Variants in KAZN observed in about 807,000 individuals in gnomAD.
The protein encoded by KAZN is kazrin.
A neutral mutation model predicts 87.4 loss-of-function variants in KAZN; 40 were observed. The observed-to-expected ratio is 0.46, with a 90% CI of 0.36 to 0.60. KAZN has a LOEUF of 0.60. Among genes scored for constraint, KAZN ranks in the 20% least tolerant of loss-of-function variants. KAZN has a pLI of 0.00. For synonymous variants in KAZN, 466 were observed against 458.3 expected, an observed-to-expected ratio of 1.02 and a Z score of -0.22; for missense variants, 898 against 1,073.9, an observed-to-expected ratio of 0.84 and a Z score of 2.29.
At chr1:14,092,720 G>C (rs770359349) in intron 1 of KAZN, among the ~76,000 whole-genome samples, 23 of 151,880 alleles carry the variant, frequency 1.5e-4, no homozygotes, top group Non-Finnish European at 3.1e-4. Flanking sequence ...TGCAGAAAAC[G>C]TACCTTTATT....
chr1:14,249,414 A>T (rs1270774044), intron 2 of KAZN, among the ~76,000 whole-genome samples: 5 of 152,216 alleles, frequency 3.3e-5, no homozygotes, highest in Non-Finnish European at 7.3e-5. Context: ...ACAAACCCAA[A>T]CTGGTTGAAA....
chr1:15,045,467 AG>A (rs1467877166), intron 4 of KAZN, among the ~76,000 whole-genome samples: 12 of 152,210 alleles, frequency 7.9e-5, no homozygotes, highest in Admixed American at 6.5e-4. Flanking sequence ...TCCCCTGCGC[AG>A]CTAAATCCAT....
At chr1:14,995,627 T>TA (rs59636200) in intron 2 of KAZN, among the ~76,000 whole-genome samples, 2,851 of 135,750 alleles carry the variant, frequency 0.021, 82 homozygotes, top group East Asian at 0.1. Context: ...CCACCTCAAA[T>TA]AAAAAAAAAA....
intron 1 of KAZN, among the ~76,000 whole-genome samples, chr1:14,827,748 A>G (rs1184718425): frequency 6.6e-6 from 1 of 152,212 alleles, no homozygotes; most frequent in Non-Finnish European, 1.5e-5. Flanking sequence ...TTAATAAAGC[A>G]GCTGTCTTAC....
chr1:14,144,405 A>G (rs1167567377), intron 1 of KAZN, among the ~76,000 whole-genome samples: 1 of 152,160 alleles, frequency 6.6e-6, no homozygotes, highest in Non-Finnish European at 1.5e-5. Context: ...ATATAGGGAT[A>G]TAACAGTTAT....
intron 2 of KAZN, among the ~76,000 whole-genome samples, chr1:14,230,418 G>A (rs1364983704): frequency 6.6e-6 from 1 of 152,192 alleles, no homozygotes; most frequent in Non-Finnish European, 1.5e-5. Flanking sequence ...AGATCCTTAT[G>A]AGGTAAGCAT....
At chr1:14,092,576 T>C (rs1298448672) in intron 1 of KAZN, among the ~76,000 whole-genome samples, 2 of 149,702 alleles carry the variant, frequency 1.3e-5, no homozygotes, top group Non-Finnish European at 2.9e-5. Context: ...TATACATATG[T>C]ATGTACATAT....
rs184495247 is a variant in KAZN at position 14,835,352 on chromosome 1, A to G, written c.227-125332A>G. On this transcript the variant is annotated intron_variant, in intron 1 of 14. Transcript: ENST00000376030. The stretch of plus-strand genomic sequence containing the variant: ...CCGCAGAGCAAATTCAAAAAGAGGG[A>G]CAGAATGAGAGATGGGCTACAGCTC... Among the ~76,000 whole-genome samples, 211 of 152,284 alleles carry G rather than the reference A, an allele frequency of 1.4e-3. 1 individual carries two copies. Among genetic ancestry groups the G allele is most frequent in the Admixed American group, 0.01 (160 of 15,288 alleles).
chr1:14,386,558 C>T (rs964418145), intron 2 of KAZN, among the ~76,000 whole-genome samples: 26 of 151,938 alleles, frequency 1.7e-4, no homozygotes, highest in Non-Finnish European at 2.8e-4. Flanking sequence ...TAGTTTATTT[C>T]TCCTTCACTT....
At chr1:14,502,955 A>G (rs6684542) in intron 2 of KAZN, among the ~76,000 whole-genome samples, 121,540 of 151,912 alleles carry the variant, frequency 0.8, 48,912 homozygotes, top group South Asian at 0.84. Flanking sequence ...TAAAACCCAC[A>G]ATCATTCTTC....
intron 1 of KAZN, among the ~76,000 whole-genome samples, chr1:14,647,709 G>A (rs555796600): frequency 1.3e-5 from 2 of 152,174 alleles, no homozygotes; most frequent in African/African-American, 2.4e-5. Flanking sequence ...ACTCTTAACC[G>A]GAATCTTTAT....
chr1:14,397,861 CAAAAA>C (rs761120479), intron 2 of KAZN, among the ~76,000 whole-genome samples: 24 of 40,648 alleles, frequency 5.9e-4, no homozygotes, highest in African/African-American at 2.0e-3. Flanking sequence ...AACTCCATCT[CAAAAA>C]AAAAAAAAAA....
At chr1:14,312,370 G>C (rs1655365550) in intron 2 of KAZN, among the ~76,000 whole-genome samples, 1 of 152,074 alleles carries the variant, frequency 6.6e-6, no homozygotes, top group Admixed American at 6.6e-5. Flanking sequence ...CTGCGTTAGG[G>C]CTTTGCACAC....
At chr1:15,025,761 C>G (rs974159301) in intron 2 of KAZN, among the ~76,000 whole-genome samples, 15 of 152,268 alleles carry the variant, frequency 9.9e-5, no homozygotes, top group Admixed American at 9.8e-4. Flanking sequence ...TCCAGGTCAG[C>G]CACTTGTTGG....
chr1:14,381,756 G>C (rs1297397455), intron 2 of KAZN, among the ~76,000 whole-genome samples: 1 of 152,124 alleles, frequency 6.6e-6, no homozygotes, highest in Non-Finnish European at 1.5e-5. Flanking sequence ...TTTTCTCTAA[G>C]ATCAGGAACA....
intron 1 of KAZN, among the ~76,000 whole-genome samples, chr1:14,066,027 G>A (rs377487217): frequency 1.3e-5 from 2 of 151,966 alleles, no homozygotes; most frequent in Non-Finnish European, 2.9e-5. Flanking sequence ...ATACCACTCC[G>A]TATGCCTTTG....
chr1:14,442,139 C>T (rs988343744), intron 2 of KAZN, among the ~76,000 whole-genome samples: 2 of 152,224 alleles, frequency 1.3e-5, no homozygotes, highest in Non-Finnish European at 2.9e-5. Context: ...GACAATACTC[C>T]TGCCCACCTC....
chr1:14,506,756 G>T (rs1240135001), intron 2 of KAZN, among the ~76,000 whole-genome samples: 1 of 152,116 alleles, frequency 6.6e-6, no homozygotes, highest in Non-Finnish European at 1.5e-5. Flanking sequence ...TAGAATGCAT[G>T]AACAAAATAA....
At chr1:14,614,424 G>A (rs922340953) in intron 1 of KAZN, among the ~76,000 whole-genome samples, 1 of 152,306 alleles carries the variant, frequency 6.6e-6, no homozygotes, top group Admixed American at 6.5e-5. Context: ...TCTTTGGCTG[G>A]AGGGCTCTGC....
Sources: allele counts gnomAD v4.1 joint callset (sites outside exome capture counted in the v4.1 genomes callset), GRCh38; gene constraint gnomAD v4.1.1; transcripts MANE v1.5; gene names NCBI Gene and HGNC (gene_info 2026-07-23, HGNC 2026-07-21).